CACNA1A: variants seen among roughly 807,000 people sequenced by gnomAD.
CACNA1A encodes voltage-dependent P/Q-type calcium channel subunit alpha-1A.
In CACNA1A, 57 loss-of-function variants were observed where a neutral mutation model predicts 262.4. The ratio of observed to expected loss-of-function variants is 0.22; its 90% CI spans 0.18 to 0.27. The LOEUF (loss-of-function observed/expected upper bound fraction) is 0.27. Ranked by LOEUF, CACNA1A falls within the 10% of genes least tolerant of loss-of-function variation. The pLI, the probability that CACNA1A is intolerant of heterozygous loss-of-function variation, is 1.00. For missense variants in CACNA1A, 2,526 were observed against 3,562.8 expected, an observed-to-expected ratio of 0.71 and a Z score of 7.41; for synonymous variants, 1,431 against 1,419.3, an observed-to-expected ratio of 1.01 and a Z score of -0.18.
In CACNA1A at chr19:13,433,460, C is replaced by CAAAAAAAAAAAAAAAAAAAAAAA. The variant is rs533297364; in HGVS notation, c.539+19393_539+19415dup. 1.7e-3 allele frequency among the ~76,000 whole-genome samples: 126 copies of CAAAAAAAAAAAAAAAAAAAAAAA among 76,190 alleles called. 5 individuals are homozygous for CAAAAAAAAAAAAAAAAAAAAAAA. The highest frequency in any genetic ancestry group is 3.6e-3 in the East Asian group (8 of 2,244). The allele number at this position is 76,190 out of a possible 152,430, so 50.0% of individuals were successfully genotyped here. ...TCGGCAACAAAGCAAGACGCTGTCT[C>CAAAAAAAAAAAAAAAAAAAAAAA]AAAAAAAAAAAAAAAAAAAAAAAGT... On this transcript the variant is annotated intron_variant, in intron 3 of 46. Coordinates refer to ENST00000360228, the MANE Select transcript of CACNA1A (RefSeq NM_001127222.2).
chr19:13,207,592 G>C lies in CACNA1A; in HGVS notation c.7242C>G (p.Asp2414Glu). ...PRHHGYYRGS[D>E]YDEADGPGSG... Reference sequence around the variant, plus strand: ...TGCCCGGGCCATCGGCCTCGTCGTAGTCGGAGCCCCGGTAGTAGCCATGGT... The same window carrying C: ...TGCCCGGGCCATCGGCCTCGTCGTACTCGGAGCCCCGGTAGTAGCCATGGT... The change falls in exon 47 of 47, where the codon GAC becomes GAG. Residue 2414 changes from aspartate (D) to glutamate (E), a missense_variant. By Grantham distance (45) the Asp-to-Glu change is conservative. Around this residue, in one of 17 missense-constraint regions of CACNA1A, gnomAD observed 929 missense variants for 868.1 expected, o/e 1.07. Transcript: ENST00000360228. This position sits in a 1 kb window ranked among gnomAD's most constrained non-coding sequence, Gnocchi z 5.7. 6.7e-7 allele frequency: 1 copy of C among 1,482,062 alleles called. No homozygotes were observed. Among genetic ancestry groups the C allele is most frequent in the Non-Finnish European group, 9.0e-7 (1 of 1,116,552 alleles). The allele number at this position is 1,482,062 out of a possible 1,614,324, so 91.8% of individuals were successfully genotyped here.
At chr19:13,390,339 T>C (rs1233135126) in intron 3 of CACNA1A, among the ~76,000 whole-genome samples, 1 of 152,180 alleles carries the variant, frequency 6.6e-6, no homozygotes, top group East Asian at 1.9e-4. Flanking sequence ...CTCAAACCCC[T>C]GGCCTCCAGT....
intron 3 of CACNA1A, among the ~76,000 whole-genome samples, chr19:13,443,966 T>C (rs970411799): frequency 3.3e-5 from 5 of 152,202 alleles, no homozygotes; most frequent in South Asian, 2.1e-4. Context: ...CCCTGGCACA[T>C]AGTAAGTACT....
chr19:13,422,693 G>C (rs995458000), intron 3 of CACNA1A, among the ~76,000 whole-genome samples: 1 of 152,188 alleles, frequency 6.6e-6, no homozygotes, highest in Non-Finnish European at 1.5e-5. Flanking sequence ...CTTGGAGTGT[G>C]CTGGAGACCC....
chr19:13,317,292 T>G lies in CACNA1A; in HGVS notation c.1375A>C (p.Ser459Arg). 1 of 1,608,172 alleles carries G rather than the reference T, an allele frequency of 6.2e-7. No individual in the cohort carries two copies. Among genetic ancestry groups the G allele is most frequent in the Non-Finnish European group, 8.5e-7 (1 of 1,174,978 alleles). The change falls in exon 11 of 47, where the codon AGT (serine) becomes CGT (arginine). Residue 459 changes from serine to arginine, a missense_variant. Ser to Arg is a moderately radical substitution (Grantham distance 110, BLOSUM62 -1). Coordinates refer to ENST00000360228, the MANE Select transcript of CACNA1A (RefSeq NM_001127222.2). ...AAGGTCGAGTTCTCCAGCTTGGCAC[T>G]TTTAATGCTGGCTCGGGCGAAGGGA... ...GSPFARASIK[S>R]AKLENSTFFH...
intron 30 of CACNA1A, among the ~76,000 whole-genome samples, chr19:13,250,963 C>T (rs897823941): frequency 2.0e-5 from 3 of 151,558 alleles, no homozygotes; most frequent in African/African-American, 4.9e-5. Flanking sequence ...GAAACCCCGT[C>T]TCTACTAAAA....
chr19:13,262,677 T>C, intron 25 of CACNA1A, 57 bp downstream of exon 25: 1 of 1,054,902 alleles, frequency 9.5e-7, no homozygotes, highest in Non-Finnish European at 1.5e-6. Flanking sequence ...CCTGCTCAGC[T>C]GTACATGATA....
chr19:13,317,664 C>T (rs1404614339), intron 10 of CACNA1A, among the ~76,000 whole-genome samples: 3 of 152,226 alleles, frequency 2.0e-5, no homozygotes, highest in African/African-American at 7.2e-5. Context: ...CCTCCATTCC[C>T]TGATGCAGGG....
At chr19:13,431,808 T>C (rs957468470) in intron 3 of CACNA1A, among the ~76,000 whole-genome samples, 1 of 152,076 alleles carries the variant, frequency 6.6e-6, no homozygotes, top group Non-Finnish European at 1.5e-5. Context: ...ATCTCGCTTA[T>C]ATGTGAGCTC....
intron 24 of CACNA1A, among the ~76,000 whole-genome samples, chr19:13,268,534 C>T (rs1218828874): frequency 6.6e-6 from 1 of 151,420 alleles, no homozygotes; most frequent in Non-Finnish European, 1.5e-5. Context: ...CCCAGGTTCA[C>T]GCCATTCTCC....
chr19:13,287,262 G>T (rs1397496032), intron 19 of CACNA1A, among the ~76,000 whole-genome samples: 2 of 152,072 alleles, frequency 1.3e-5, no homozygotes, highest in African/African-American at 4.8e-5. Flanking sequence ...GAAGTGGGAG[G>T]ATTGCTTGAG....
At position 13,286,840 on chromosome 19, in the gene CACNA1A, C is replaced by T. The variant is rs770989369; in HGVS notation, c.3216G>A (p.Lys1072=). 4 of 1,613,748 alleles carry T rather than the reference C, an allele frequency of 2.5e-6. No homozygotes were observed. The South Asian group carries it at 4.4e-5, about 18-fold the overall frequency. The part of the protein sequence containing the change: ...AEDIDNMKNN[K]LATAESAAPH... Reference sequence around the variant, plus strand: ...GAGCGGCCGACTCCGCGGTGGCCAGCTTGTTGTTCTTCATGTTGTCAATAT... The same window carrying T: ...GAGCGGCCGACTCCGCGGTGGCCAGTTTGTTGTTCTTCATGTTGTCAATAT... The change falls in exon 20 of 47, where the codon AAG becomes AAA. Residue 1072 remains lysine (K), a synonymous_variant. Coordinates refer to ENST00000360228, the MANE Select transcript of CACNA1A (RefSeq NM_001127222.2).
chr19:13,294,114 C>CA (rs1167419626), intron 19 of CACNA1A, among the ~76,000 whole-genome samples: 1 of 140,300 alleles, frequency 7.1e-6, no homozygotes, highest in African/African-American at 2.6e-5. Flanking sequence ...ATTGGTCTTT[C>CA]TTTTTTTTTT....
chr19:13,222,956 G>GT (rs1486244983), intron 38 of CACNA1A, among the ~76,000 whole-genome samples: 1 of 152,164 alleles, frequency 6.6e-6, no homozygotes, highest in African/African-American at 2.4e-5. Flanking sequence ...GCCTCCCAAA[G>GT]TGCTGGGATT....
chr19:13,308,611 C>T lies in CACNA1A; in HGVS notation c.1669-83G>A. The T allele has an allele frequency of 1.1e-5, 9 of 807,226 alleles. No individual in the cohort carries two copies. The allele number at this position is 807,226 out of a possible 1,614,324, so 50.0% of individuals were successfully genotyped here. A position where few individuals can be genotyped will look rare whatever the true frequency, so the allele number is the denominator to read the frequency against. ...AAGCATTTCCTAGGTACCAACCTTG[C>T]AAGAACTCAACCAAACTCCTCCCTC... On this transcript the variant is annotated intron_variant, in intron 12 of 46. Transcript: ENST00000360228. The surrounding 1 kb of genome is among the most constrained non-coding windows in gnomAD (Gnocchi z 4.2).
rs144679504 is a variant in CACNA1A at position 13,313,903 on chromosome 19, G to A, written c.1556-1122C>T. Among the ~76,000 whole-genome samples the A allele has an allele frequency of 1.3e-3, 197 of 152,218 alleles. 3 individuals are homozygous for A. Among genetic ancestry groups the A allele is most frequent in the Admixed American group, 0.01 (158 of 15,276 alleles). On this transcript the variant is annotated intron_variant, in intron 11 of 46. Coordinates refer to ENST00000360228, the MANE Select transcript of CACNA1A (RefSeq NM_001127222.2). ...CTGAAGTTAAGTACTTAGTTGGAGCGACACAGGCAACCCACCTAAGGTATG... is the reference window on the plus strand; with the variant it reads ...CTGAAGTTAAGTACTTAGTTGGAGCAACACAGGCAACCCACCTAAGGTATG...
intron 3 of CACNA1A, among the ~76,000 whole-genome samples, chr19:13,421,227 C>G (rs1488885945): frequency 2.0e-5 from 3 of 152,132 alleles, no homozygotes; most frequent in Admixed American, 6.6e-5. Flanking sequence ...AACCTTGCAG[C>G]TATTATAGGA....
At chr19:13,488,390 C>CTTTTTT (rs34348281) in intron 1 of CACNA1A, among the ~76,000 whole-genome samples, 121 of 77,646 alleles carry the variant, frequency 1.6e-3, no homozygotes, top group Non-Finnish European at 1.9e-3. Context: ...TTTTTCTTTT[C>CTTTTTT]TTTTTTTTTT....
chr19:13,211,167 G>C, intron 43 of CACNA1A: 1 of 170,056 alleles, frequency 5.9e-6, no homozygotes, highest in Non-Finnish European at 1.3e-5. Flanking sequence ...AGGCCCTCAG[G>C]TGACCCTGGT....
Sources: allele counts gnomAD v4.1 joint callset (sites outside exome capture counted in the v4.1 genomes callset), GRCh38; gene constraint gnomAD v4.1.1; regional missense constraint gnomAD v4.1.1; non-coding constraint Gnocchi (gnomAD v3.1); transcripts MANE v1.5; gene names NCBI Gene and HGNC (gene_info 2026-07-23, HGNC 2026-07-21).